TTC17: variants seen among roughly 807,000 people sequenced by gnomAD.
TTC17 encodes the protein tetratricopeptide repeat domain 17.
In TTC17, 58 loss-of-function variants were observed where a neutral mutation model predicts 143.8. That is an observed-to-expected ratio of 0.40 (90% CI 0.33 to 0.50). The LOEUF (loss-of-function observed/expected upper bound fraction) is 0.50. Among genes scored for constraint, TTC17 ranks in the 20% least tolerant of loss-of-function variants. The pLI, the probability that TTC17 is intolerant of heterozygous loss-of-function variation, is 0.49. For synonymous variants in TTC17, 501 were observed against 497.8 expected (o/e 1.01, Z -0.09); for missense variants, 1,273 against 1,392.5 (o/e 0.91, Z 1.37).
At position 43,448,009 on chromosome 11, in the gene TTC17, A is replaced by G. The variant is rs750243169; in HGVS notation, c.2673A>G (p.Lys891=). The G allele has an allele frequency of 1.2e-6, 2 of 1,613,672 alleles. No individual in the cohort carries two copies. The highest frequency in any genetic ancestry group is 1.1e-5 in the South Asian group (1 of 91,028). Residue 891 remains lysine, a synonymous_variant, in exon 19 of 24, where the codon AAA becomes AAG. Coordinates refer to ENST00000039989, the MANE Select transcript of TTC17 (RefSeq NM_018259.6). ...GGCATACTTTCCTTCCAGGAAAAAAACGTGACTACCAGCGTCTGGGATGGC... is the reference window on the plus strand; with the variant it reads ...GGCATACTTTCCTTCCAGGAAAAAAGCGTGACTACCAGCGTCTGGGATGGC... The part of the protein sequence containing the change: ...KVASPGPQGK[K]RDYQRLGWPS...
chr11:43,390,957 C>G (rs1857361952), intron 3 of TTC17, among the ~76,000 whole-genome samples: 1 of 152,192 alleles, frequency 6.6e-6, no homozygotes, highest in Non-Finnish European at 1.5e-5. Flanking sequence ...TGTGACCTAT[C>G]TACTATTTTC....
chr11:43,422,947 G>A (rs948441251), intron 16 of TTC17, among the ~76,000 whole-genome samples: 1 of 152,206 alleles, frequency 6.6e-6, no homozygotes, highest in East Asian at 1.9e-4. Flanking sequence ...CAGTAGGAAT[G>A]ATCCAGCAAA....
intron 1 of TTC17, among the ~76,000 whole-genome samples, chr11:43,361,390 G>T (rs1320259059): frequency 6.6e-6 from 1 of 152,194 alleles, no homozygotes; most frequent in Non-Finnish European, 1.5e-5. Flanking sequence ...TAAACTCATT[G>T]TAAGTCGAAA....
chr11:43,364,941 G>C (rs867212514), intron 1 of TTC17, among the ~76,000 whole-genome samples: 1 of 152,078 alleles, frequency 6.6e-6, no homozygotes, highest in Non-Finnish European at 1.5e-5. Flanking sequence ...GAGTAGCTGG[G>C]ATTATAGGCA....
intron 21 of TTC17, among the ~76,000 whole-genome samples, chr11:43,469,320 A>G (rs1948043886): frequency 6.6e-6 from 1 of 152,180 alleles, no homozygotes; most frequent in Non-Finnish European, 1.5e-5. Context: ...TCAGTTTATT[A>G]AAGAGTTACA....
chr11:43,412,882 GATTCA>G (rs1399424938), intron 15 of TTC17, among the ~76,000 whole-genome samples: 3 of 151,930 alleles, frequency 2.0e-5, no homozygotes, highest in Non-Finnish European at 4.4e-5. Flanking sequence ...TCAATTTATA[GATTCA>G]ATTCAATCTC....
intron 21 of TTC17, among the ~76,000 whole-genome samples, chr11:43,478,655 G>A (rs779900981): frequency 9.2e-5 from 14 of 151,940 alleles, no homozygotes; most frequent in Non-Finnish European, 1.9e-4. Context: ...TCACCCAGGC[G>A]AGAGTGCAGT....
chr11:43,392,078 A>G (rs891823527), intron 5 of TTC17, 126 bp downstream of exon 5: 34 of 1,127,996 alleles, frequency 3.0e-5, no homozygotes, highest in Non-Finnish European at 4.0e-5. Flanking sequence ...TTAAAATTAC[A>G]CTTACATTGA....
At chr11:43,372,486 A>T (rs1018791931) in intron 1 of TTC17, among the ~76,000 whole-genome samples, 14 of 148,600 alleles carry the variant, frequency 9.4e-5, no homozygotes, top group East Asian at 2.0e-4. Flanking sequence ...TTTATTTTTT[A>T]TTTATTTATT....
intron 16 of TTC17, among the ~76,000 whole-genome samples, chr11:43,430,051 A>G (rs1434403999): frequency 1.3e-5 from 2 of 152,244 alleles, no homozygotes; most frequent in African/African-American, 4.8e-5. Context: ...AATTAGTTTT[A>G]TAATAAATTG....
chr11:43,456,181 C>CAT (rs755912835), intron 21 of TTC17, among the ~76,000 whole-genome samples: 2 of 103,062 alleles, frequency 1.9e-5, no homozygotes, highest in African/African-American at 6.3e-5. Flanking sequence ...AGCACAATAA[C>CAT]ACACACACAC....
chr11:43,420,174 A>C (rs953851264), intron 16 of TTC17, among the ~76,000 whole-genome samples: 5 of 152,222 alleles, frequency 3.3e-5, no homozygotes, highest in African/African-American at 1.2e-4. Context: ...GATTTACTCA[A>C]ATTACAGTCA....
At chr11:43,362,265 C>G (rs1321130252) in intron 1 of TTC17, among the ~76,000 whole-genome samples, 1 of 152,068 alleles carries the variant, frequency 6.6e-6, no homozygotes, top group African/African-American at 2.4e-5. Flanking sequence ...GTGATCCGCC[C>G]ACCTTGGCCT....
chr11:43,434,213 ACACACACACACACACACACT>A (rs1175939056), intron 16 of TTC17, among the ~76,000 whole-genome samples: 25 of 105,788 alleles, frequency 2.4e-4, no homozygotes, highest in Non-Finnish European at 4.8e-4. Flanking sequence ...ACACACACAC[ACACACACACACACACACACT>A]CTCATGGCCT....
At chr11:43,372,636 A>G (rs948270627) in intron 1 of TTC17, among the ~76,000 whole-genome samples, 1 of 151,872 alleles carries the variant, frequency 6.6e-6, no homozygotes, top group Non-Finnish European at 1.5e-5. Context: ...GATTATAAGC[A>G]TGTGCCACTA....
At chr11:43,367,843 C>T (rs766138200) in intron 1 of TTC17, among the ~76,000 whole-genome samples, 1 of 152,040 alleles carries the variant, frequency 6.6e-6, no homozygotes, top group Non-Finnish European at 1.5e-5. Context: ...TCCTTCATCC[C>T]TATAACTCTT....
At chr11:43,366,274 C>G (rs1213229204) in intron 1 of TTC17, among the ~76,000 whole-genome samples, 8 of 152,066 alleles carry the variant, frequency 5.3e-5, no homozygotes, top group African/African-American at 1.9e-4. Flanking sequence ...TCCTGTTCTT[C>G]TCCTTTGTTT....
At chr11:43,359,497 T>G (rs1432076705) in intron 1 of TTC17, among the ~76,000 whole-genome samples, 1 of 152,046 alleles carries the variant, frequency 6.6e-6, no homozygotes, top group South Asian at 2.1e-4. Flanking sequence ...CCCGAGGAAA[T>G]AGAAAGCAGG....
intron 21 of TTC17, among the ~76,000 whole-genome samples, chr11:43,471,729 TAC>T (rs1948096270): frequency 6.6e-6 from 1 of 152,236 alleles, no homozygotes; most frequent in Admixed American, 6.5e-5. Flanking sequence ...AAAGTAATAA[TAC>T]GTATTTTCAG....
Sources: gnomAD v4.1 joint callset for allele counts (sites outside exome capture counted in the v4.1 genomes callset) on GRCh38, gnomAD v4.1.1 for gene constraint, MANE v1.5 for transcripts, NCBI Gene and HGNC (gene_info 2026-07-23, HGNC 2026-07-21) for gene names.